The following FOXN3 variants were observed in gnomAD, a reference collection of about 807,000 sequenced individuals.
The protein encoded by FOXN3 is forkhead box N3.
A neutral mutation model predicts 38.4 loss-of-function variants in FOXN3; 7 were observed. That is an observed-to-expected ratio of 0.18 (90% CI 0.10 to 0.34). The LOEUF is 0.34. Among genes scored for constraint, FOXN3 ranks in the 10% least tolerant of loss-of-function variants. FOXN3 has a pLI of 1.00. For synonymous variants in FOXN3, 230 were observed against 242.2 expected (o/e 0.95, Z 0.47); for missense variants, 456 against 613.4 (o/e 0.74, Z 2.71).
intron 2 of FOXN3, among the ~76,000 whole-genome samples, chr14:89,367,235 C>T (rs1890185969): frequency 6.6e-6 from 1 of 152,142 alleles, no homozygotes; most frequent in Admixed American, 6.5e-5. Flanking sequence ...CAGCATCCGG[C>T]CAACCAACAC....
intron 1 of FOXN3, among the ~76,000 whole-genome samples, chr14:89,488,563 G>C (rs1181360988): frequency 6.6e-6 from 1 of 151,678 alleles, no homozygotes; most frequent in Non-Finnish European, 1.5e-5. Context: ...TGAAGAGGGA[G>C]GAGCATCTGA....
At chr14:89,574,970 C>T (rs1895573092) in intron 1 of FOXN3, among the ~76,000 whole-genome samples, 2 of 152,192 alleles carry the variant, frequency 1.3e-5, no homozygotes, top group African/African-American at 4.8e-5. Context: ...TCTACTGCTA[C>T]CCCACCAGCT....
intron 2 of FOXN3, among the ~76,000 whole-genome samples, chr14:89,378,107 C>T (rs1423295876): frequency 2.0e-5 from 3 of 152,222 alleles, no homozygotes; most frequent in Non-Finnish European, 4.4e-5. Flanking sequence ...TCTGCACTAG[C>T]ACAGTAACAT....
chr14:89,441,988 A>G (rs1037919368), intron 1 of FOXN3, among the ~76,000 whole-genome samples: 1 of 138,446 alleles, frequency 7.2e-6, no homozygotes, highest in Admixed American at 8.1e-5. Context: ...GTGCAATGGC[A>G]TGATCTCGGC....
chr14:89,352,344 C>T lies in FOXN3; in HGVS notation c.544-1536G>A, dbSNP rs576124202. ...AGTGAGACTTTGCAAGTAAATCAGG[C>T]GGGCCACTCAATAATCTGCCCTGGA... On this transcript the variant is annotated intron_variant, in intron 2 of 5. Coordinates refer to ENST00000557258, the MANE Select transcript of FOXN3 (RefSeq NM_005197.4). Among the ~76,000 whole-genome samples the T allele has an allele frequency of 1.5e-4, 23 of 152,280 alleles. No homozygotes were observed. The South Asian group carries it at 1.7e-3, about 11-fold the overall frequency.
chr14:89,465,884 A>G lies in FOXN3; in HGVS notation c.-14-53394T>C, dbSNP rs372712992. On this transcript the variant is annotated intron_variant, in intron 1 of 6. Coordinates refer to the FOXN3 transcript ENST00000345097. ...ATTGTATTGTAAAATTAATTCAAAC[A>G]TTGTTTCCAGTTTTTAGGTTTACAT... 1.8e-4 allele frequency among the ~76,000 whole-genome samples: 27 copies of G among 152,352 alleles called. No homozygotes were observed. In the Middle Eastern group the frequency reaches 0.01, roughly 58 times the overall value.
At chr14:89,316,947 G>A (rs1464988114) in intron 3 of FOXN3, among the ~76,000 whole-genome samples, 1 of 152,170 alleles carries the variant, frequency 6.6e-6, no homozygotes, top group African/African-American at 2.4e-5. Context: ...TTACAGGAGT[G>A]AGCCACCACA....
At chr14:89,605,019 G>A (rs908852350) in intron 1 of FOXN3, among the ~76,000 whole-genome samples, 1 of 150,574 alleles carries the variant, frequency 6.6e-6, no homozygotes, top group South Asian at 2.1e-4. Context: ...GTTTTCCATC[G>A]ATTTATCCTC....
At chr14:89,462,070 T>C (rs761180073) in intron 1 of FOXN3, among the ~76,000 whole-genome samples, 200 of 152,248 alleles carry the variant, frequency 1.3e-3, no homozygotes, top group Non-Finnish European at 2.6e-3. Flanking sequence ...ACTTGCTGGC[T>C]GGAAGGAAAT....
At chr14:89,513,752 A>T (rs1466458749) in intron 1 of FOXN3, among the ~76,000 whole-genome samples, 1 of 151,542 alleles carries the variant, frequency 6.6e-6, no homozygotes, top group Non-Finnish European at 1.5e-5. Flanking sequence ...GCACCACCAC[A>T]TCCGGCTGAT....
At chr14:89,436,025 G>A (rs1228122662) in intron 1 of FOXN3, among the ~76,000 whole-genome samples, 4 of 143,282 alleles carry the variant, frequency 2.8e-5, no homozygotes, top group Non-Finnish European at 6.1e-5. Flanking sequence ...TTTTTTTTCA[G>A]AGATAGGGTC....
At chr14:89,261,107 G>T (rs931770529) in intron 4 of FOXN3, among the ~76,000 whole-genome samples, 1 of 152,246 alleles carries the variant, frequency 6.6e-6, no homozygotes, top group African/African-American at 2.4e-5. Flanking sequence ...TCTGGACCAT[G>T]CACATAGCAG....
At chr14:89,270,112 T>C (rs958868114) in intron 4 of FOXN3, among the ~76,000 whole-genome samples, 1 of 152,200 alleles carries the variant, frequency 6.6e-6, no homozygotes, top group Non-Finnish European at 1.5e-5. Context: ...CAAGGAACTT[T>C]CTTTTTCTGT....
At chr14:89,583,819 C>T (rs1895792296) in intron 1 of FOXN3, among the ~76,000 whole-genome samples, 1 of 151,418 alleles carries the variant, frequency 6.6e-6, no homozygotes, top group Non-Finnish European at 1.5e-5. Context: ...CTCGGCCTCC[C>T]AAAGTGCTGG....
At chr14:89,241,472 C>T (rs1206305060) in intron 4 of FOXN3, among the ~76,000 whole-genome samples, 7 of 152,160 alleles carry the variant, frequency 4.6e-5, no homozygotes, top group African/African-American at 1.4e-4. Context: ...ATTTTGGGCT[C>T]AGCCAGCATC....
At chr14:89,333,427 A>G (rs1003360024) in intron 3 of FOXN3, among the ~76,000 whole-genome samples, 4 of 151,076 alleles carry the variant, frequency 2.6e-5, no homozygotes, top group African/African-American at 9.7e-5. Context: ...CAAAAGAAAA[A>G]AAAAAAAGGC....
rs189356126 is a variant in FOXN3 at position 89,470,904 on chromosome 14, A to G, written c.-14-58414T>C. On this transcript the variant is annotated intron_variant, in intron 1 of 6. Coordinates refer to the FOXN3 transcript ENST00000345097. Reference sequence around the variant, plus strand: ...CCTTCTCTACCACTCAGCAATAAGTAGAGACCAATGTCCAAGCCAACTGGG... The same window carrying G: ...CCTTCTCTACCACTCAGCAATAAGTGGAGACCAATGTCCAAGCCAACTGGG... Among the ~76,000 whole-genome samples the G allele has an allele frequency of 3.3e-5, 5 of 152,356 alleles. No individual in the cohort carries two copies. The East Asian group carries it at 9.6e-4, about 29-fold the overall frequency.
chr14:89,493,979 G>A (rs906621095), intron 1 of FOXN3: 12 of 151,760 alleles, frequency 7.9e-5, no homozygotes, highest in African/African-American at 2.4e-4. Flanking sequence ...CCCAAGCAAG[G>A]ACAATTGTTT....
chr14:89,546,330 T>TTTCTTTC (rs1894881186), intron 1 of FOXN3, among the ~76,000 whole-genome samples: 2 of 33,258 alleles, frequency 6.0e-5, no homozygotes, highest in African/African-American at 5.0e-4. Context: ...TTCCTTTTTC[T>TTTCTTTC]TTTTTTTTTT....
Sources: allele counts gnomAD v4.1 joint callset (sites outside exome capture counted in the v4.1 genomes callset), GRCh38; gene constraint gnomAD v4.1.1; transcripts MANE v1.5; gene names NCBI Gene and HGNC (gene_info 2026-07-23, HGNC 2026-07-21).